The following NRXN1 variants were observed in gnomAD, a reference collection of about 807,000 sequenced individuals.
NRXN1 encodes the protein neurexin 1.
In NRXN1, 39 loss-of-function variants were observed where a neutral mutation model predicts 150.9. The observed-to-expected ratio is 0.26, with a 90% CI of 0.20 to 0.34. NRXN1 has a LOEUF of 0.34. Among genes scored for constraint, NRXN1 ranks in the 10% least tolerant of loss-of-function variants. The pLI, the probability that NRXN1 is intolerant of heterozygous loss-of-function variation, is 1.00. For missense variants in NRXN1, 1,815 were observed against 1,949.9 expected (o/e 0.93, Z 1.30); for synonymous variants, 924 against 757.0 (o/e 1.22, Z -3.62).
intron 5 of NRXN1, among the ~76,000 whole-genome samples, chr2:50,650,887 A>G (rs1009074989): frequency 6.6e-6 from 1 of 152,052 alleles, no homozygotes; most frequent in Non-Finnish European, 1.5e-5. Flanking sequence ...TGAATATAAA[A>G]AAGTATAAAA....
chr2:50,694,805 G>T (rs537085021), intron 5 of NRXN1, among the ~76,000 whole-genome samples: 297 of 152,218 alleles, frequency 2.0e-3, no homozygotes, highest in Non-Finnish European at 3.4e-3. Context: ...TGGAACAAAA[G>T]TAATCATTAC....
chr2:50,137,363 C>T (rs1706580012), intron 18 of NRXN1, among the ~76,000 whole-genome samples: 2 of 152,034 alleles, frequency 1.3e-5, no homozygotes, highest in African/African-American at 4.8e-5. Flanking sequence ...CAGCTACTAC[C>T]GTTTGGAGAT....
rs554899526 is a variant in NRXN1 at position 50,139,204 on chromosome 2, T to A, written c.3547-47710A>T. On this transcript the variant is annotated intron_variant, in intron 18 of 22. Transcript: ENST00000401669. Reference sequence around the variant, plus strand: ...AGCCGGGCGTGGTGGCGTGTGCCAGTAATCCCAGCTACTTGGGAGGCCGAG... The same window carrying A: ...AGCCGGGCGTGGTGGCGTGTGCCAGAAATCCCAGCTACTTGGGAGGCCGAG... 1.3e-5 allele frequency among the ~76,000 whole-genome samples: 2 copies of A among 151,718 alleles called. 1 individual carries two copies. The highest frequency in any genetic ancestry group is 4.8e-5 in the African/African-American group (2 of 41,316).
At chr2:50,488,133 A>T (rs1441845552) in intron 15 of NRXN1, among the ~76,000 whole-genome samples, 1 of 152,164 alleles carries the variant, frequency 6.6e-6, no homozygotes, top group Non-Finnish European at 1.5e-5. Flanking sequence ...CCTGTCCCTG[A>T]ATTCTTGCAT....
At chr2:50,957,229 C>G (rs1400586414) in intron 2 of NRXN1, among the ~76,000 whole-genome samples, 2 of 152,096 alleles carry the variant, frequency 1.3e-5, no homozygotes, top group Non-Finnish European at 2.9e-5. Flanking sequence ...TCAAGATAAA[C>G]CTGGTTTCAA....
chr2:50,429,760 C>A (rs2084799055), intron 17 of NRXN1, among the ~76,000 whole-genome samples: 1 of 152,032 alleles, frequency 6.6e-6, no homozygotes, highest in Admixed American at 6.5e-5. Flanking sequence ...AAAGGAACCA[C>A]CCCAGTTTCT....
intron 5 of NRXN1, among the ~76,000 whole-genome samples, chr2:50,729,974 C>G (rs1374377014): frequency 1.3e-5 from 2 of 152,178 alleles, no homozygotes; most frequent in African/African-American, 4.8e-5. Context: ...TTCATCCTTT[C>G]TAAAGACCTT....
At chr2:50,615,593 T>A (rs536382236) in intron 8 of NRXN1, 1 of 152,286 alleles carries the variant, frequency 6.6e-6, no homozygotes, top group East Asian at 1.9e-4. Context: ...GAAACACTTA[T>A]ACGATGAAAA....
chr2:50,559,606 T>A (rs886248437), intron 8 of NRXN1, among the ~76,000 whole-genome samples: 5 of 152,162 alleles, frequency 3.3e-5, no homozygotes, highest in African/African-American at 9.7e-5. Flanking sequence ...TCAACACATA[T>A]ACACATAGAC....
At chr2:50,481,998 G>T (rs1159153097) in intron 15 of NRXN1, among the ~76,000 whole-genome samples, 1 of 149,996 alleles carries the variant, frequency 6.7e-6, no homozygotes, top group African/African-American at 2.5e-5. Flanking sequence ...TCGATCTCCT[G>T]ACCTCGTGAT....
chr2:50,659,521 TA>T (rs2104627759), intron 5 of NRXN1, among the ~76,000 whole-genome samples: 1 of 152,002 alleles, frequency 6.6e-6, no homozygotes, highest in Non-Finnish European at 1.5e-5. Context: ...GAATCCTACT[TA>T]AAAATCATTT....
intron 17 of NRXN1, among the ~76,000 whole-genome samples, chr2:50,424,372 A>G (rs569075255): frequency 2.3e-4 from 35 of 150,094 alleles, no homozygotes; most frequent in African/African-American, 8.4e-4. Flanking sequence ...GAGAAACAAG[A>G]TAGGGATTTA....
chr2:50,470,293 C>T (rs753608901), intron 16 of NRXN1, among the ~76,000 whole-genome samples: 15 of 151,774 alleles, frequency 9.9e-5, no homozygotes, highest in Non-Finnish European at 1.9e-4. Context: ...ATCCCCTTAA[C>T]AATTTTGTCT....
chr2:50,488,355 G>A lies in NRXN1; in HGVS notation c.3070+7550C>T, dbSNP rs138033935. On this transcript the variant is annotated intron_variant, in intron 15 of 22. Transcript: ENST00000401669. ...GGCACTAGAACTGCTAAACTTAAACGAGTCTTTCTTGGGTGTTTGAGTTGA... is the reference window on the plus strand; with the variant it reads ...GGCACTAGAACTGCTAAACTTAAACAAGTCTTTCTTGGGTGTTTGAGTTGA... Among the ~76,000 whole-genome samples, 11 of 152,256 alleles carry A rather than the reference G, an allele frequency of 7.2e-5. No individual in the cohort carries two copies. In the East Asian group the frequency reaches 1.9e-3, roughly 27 times the overall value.
At chr2:49,979,021 G>C (rs947426974) in intron 21 of NRXN1, among the ~76,000 whole-genome samples, 3 of 152,112 alleles carry the variant, frequency 2.0e-5, no homozygotes, top group Non-Finnish European at 4.4e-5. Flanking sequence ...GAAGGAGGTC[G>C]GGTGCGGGGG....
intron 21 of NRXN1, among the ~76,000 whole-genome samples, chr2:50,018,765 C>T (rs1236652612): frequency 1.3e-5 from 2 of 152,180 alleles, no homozygotes; most frequent in Non-Finnish European, 2.9e-5. Flanking sequence ...TCTGCCACAT[C>T]CTTAGCAATT....
chr2:50,971,085 A>G (rs1192906438), intron 2 of NRXN1, among the ~76,000 whole-genome samples: 2 of 152,156 alleles, frequency 1.3e-5, no homozygotes, highest in Non-Finnish European at 2.9e-5. Context: ...CTTCAATTTT[A>G]TATTGGCCTA....
intron 17 of NRXN1, among the ~76,000 whole-genome samples, chr2:50,261,847 C>T (rs553644373): frequency 2.2e-3 from 329 of 151,956 alleles, no homozygotes; most frequent in African/African-American, 7.5e-3. Context: ...AGTTCTCAAC[C>T]TTGAATCAGG....
intron 21 of NRXN1, among the ~76,000 whole-genome samples, chr2:49,948,207 T>G (rs1025900801): frequency 6.6e-6 from 1 of 152,100 alleles, no homozygotes; most frequent in Admixed American, 6.6e-5. Flanking sequence ...TCATGCAGAC[T>G]AAATTATTTA....
Sources: gnomAD v4.1 joint callset for allele counts (sites outside exome capture counted in the v4.1 genomes callset) on GRCh38, gnomAD v4.1.1 for gene constraint, MANE v1.5 for transcripts, NCBI Gene and HGNC (gene_info 2026-07-23, HGNC 2026-07-21) for gene names.